The following SIGLEC9 variants were observed in gnomAD, a reference collection of about 807,000 sequenced individuals.
SIGLEC9 encodes the protein sialic acid binding Ig like lectin 9.
SIGLEC9 carries 26 observed loss-of-function variants against 38.3 expected under a neutral mutation model. The ratio of observed to expected loss-of-function variants is 0.68; its 90% CI spans 0.50 to 0.94. SIGLEC9 has a LOEUF of 0.94. SIGLEC9 is among the 40% of genes least tolerant of loss of function. The pLI is 0.00. For synonymous variants in SIGLEC9, 236 were observed against 248.0 expected (o/e 0.95, Z 0.45); for missense variants, 556 against 585.7 (o/e 0.95, Z 0.52).
chr19:51,125,740 G>T lies in SIGLEC9; in HGVS notation c.565G>T (p.Asp189Tyr). 1 of 1,614,000 alleles carries T rather than the reference G, an allele frequency of 6.2e-7. No homozygotes were observed. Among genetic ancestry groups the T allele is most frequent in the East Asian group, 2.2e-5 (1 of 44,862 alleles). ...SWIGTSVSPL[D>Y]PSTTRSSVLT... is the part of the protein sequence containing the mutation. The stretch of plus-strand genomic sequence containing the variant: ...GATAGGGACCTCCGTGTCCCCCCTG[G>T]ACCCCTCCACCACCCGCTCCTCGGT... The change falls in exon 2 of 7, where the codon GAC (aspartate) becomes TAC (tyrosine). Residue 189 changes from aspartate (D) to tyrosine (Y), a missense_variant. By Grantham distance (160) the Asp-to-Tyr change is radical (BLOSUM62 -3). Coordinates refer to ENST00000250360, the MANE Select transcript of SIGLEC9 (RefSeq NM_014441.3).
chr19:51,127,056 T>C lies in SIGLEC9; in HGVS notation c.775T>C (p.Ser259Pro). The C allele has an allele frequency of 1.2e-6, 2 of 1,614,120 alleles. No homozygotes were observed. Among genetic ancestry groups the C allele is most frequent in the African/African-American group, 2.7e-5 (2 of 75,040 alleles). ...ATCCACAGTCTTGGGAAATGGCTCATCTCTGTCACTCCCAGAGGGCCAGTC... is the reference window on the plus strand; with the variant it reads ...ATCCACAGTCTTGGGAAATGGCTCACCTCTGTCACTCCCAGAGGGCCAGTC... ...TVSTVLGNGSSLSLPEGQSLR... is the reference protein window; with the variant it reads ...TVSTVLGNGSPLSLPEGQSLR... The change falls in exon 4 of 7, where the codon TCT (serine) becomes CCT (proline). Residue 259 changes from serine (S) to proline (P), a missense_variant. Coordinates refer to ENST00000250360, the MANE Select transcript of SIGLEC9 (RefSeq NM_014441.3).
At chr19:51,126,937 T>C in intron 3 of SIGLEC9, 93 bp from the exon 4 acceptor site, 1 of 1,128,374 alleles carries the variant, frequency 8.9e-7, no homozygotes, top group South Asian at 1.4e-5. Flanking sequence ...AGTCTATGTC[T>C]GTGTGTCAGT....
chr19:51,123,555 C>G (rs1262441932), upstream of SIGLEC9, among the ~76,000 whole-genome samples: 1 of 152,176 alleles, frequency 6.6e-6, no homozygotes. Context: ...TTCACGGCAA[C>G]GTGCACAGAT....
In SIGLEC9 at chr19:51,135,852, T is replaced by C. The variant is rs894128742; in HGVS notation, c.1204-110T>C. ...TGAGCTCTGAGATTCTTTTCTCAGC[T>C]TAATCTATTCTGATGTTAATACTTC... is the stretch of plus-strand genomic sequence containing the variant. On this transcript the variant is annotated intron_variant, in intron 6 of 6. Coordinates refer to the SIGLEC9 transcript ENST00000440804. The C allele has an allele frequency of 6.6e-6, 4 of 606,170 alleles. No individual in the cohort carries two copies. In the Admixed American group the frequency reaches 1.1e-4, roughly 17 times the overall value. 37.5% of individuals were successfully genotyped at this position (606,170 alleles called of 1,614,324 possible).
At position 51,127,978 on chromosome 19, in the gene SIGLEC9, G is replaced by A. The variant is rs2091989827; in HGVS notation, c.1045G>A (p.Val349Met). The A allele has an allele frequency of 1.2e-6, 2 of 1,613,904 alleles. No homozygotes were observed. Among genetic ancestry groups the A allele is most frequent in the Non-Finnish European group, 1.7e-6 (2 of 1,179,810 alleles). The change falls in exon 5 of 7, where the codon GTG (valine) becomes ATG (methionine). Residue 349 changes from valine to methionine, a missense_variant. Physicochemically the swap from Val to Met is conservative, Grantham distance 21. Coordinates refer to ENST00000250360, the MANE Select transcript of SIGLEC9 (RefSeq NM_014441.3). ...SKATSGVTQG[V>M]VGGAGATALV... The stretch of plus-strand genomic sequence containing the variant: ...AGCCACATCAGGAGTGACTCAGGGG[G>A]TGGTCGGGGGAGCTGGAGCCACAGC...
downstream of SIGLEC9, among the ~76,000 whole-genome samples, chr19:51,134,581 G>T (rs1187004772): frequency 6.6e-6 from 1 of 152,190 alleles, no homozygotes; most frequent in Non-Finnish European, 1.5e-5. Context: ...TCATGAAAGA[G>T]AAATTAAAAA....
At chr19:51,132,925 A>C (rs1386236392), downstream of SIGLEC9, among the ~76,000 whole-genome samples, 1 of 152,070 alleles carries the variant, frequency 6.6e-6, no homozygotes, top group Non-Finnish European at 1.5e-5. Context: ...ATATTGATTT[A>C]GGTAATCCCT....
chr19:51,132,824 T>C (rs965623634), downstream of SIGLEC9, among the ~76,000 whole-genome samples: 3 of 152,134 alleles, frequency 2.0e-5, no homozygotes, highest in Admixed American at 1.3e-4. Context: ...TAGAACATTT[T>C]TGAGAGACTT....
chr19:51,123,218 C>G (rs559250198), upstream of SIGLEC9, among the ~76,000 whole-genome samples: 2 of 152,192 alleles, frequency 1.3e-5, no homozygotes, highest in Non-Finnish European at 2.9e-5. Flanking sequence ...GGTGAGCAGG[C>G]CTGCTCTTTT....
downstream of SIGLEC9, among the ~76,000 whole-genome samples, chr19:51,131,503 G>A (rs966044096): frequency 8.1e-5 from 12 of 148,774 alleles, no homozygotes; most frequent in East Asian, 4.0e-4. Context: ...GGAGAATGGC[G>A]TGAACCCGGG....
chr19:51,132,932 C>T (rs2092024683), downstream of SIGLEC9, among the ~76,000 whole-genome samples: 1 of 151,668 alleles, frequency 6.6e-6, no homozygotes, highest in Non-Finnish European at 1.5e-5. Context: ...TTTAGGTAAT[C>T]CCTGTCAAAA....
At chr19:51,131,501 G>A (rs1455160334), downstream of SIGLEC9, among the ~76,000 whole-genome samples, 2 of 151,818 alleles carry the variant, frequency 1.3e-5, no homozygotes, top group Non-Finnish European at 2.9e-5. Flanking sequence ...CAGGAGAATG[G>A]CGTGAACCCG....
upstream of SIGLEC9, chr19:51,124,786 G>A: frequency 1.4e-6 from 1 of 690,380 alleles, no homozygotes; most frequent in Non-Finnish European, 2.4e-6. Context: ...GGTGGACGGT[G>A]GATCTCCCAG....
chr19:51,128,502 GC>G lies in SIGLEC9; in HGVS notation c.1197del (p.Ser400LeufsTer5). 6.2e-7 allele frequency: 1 copy of G among 1,613,892 alleles called. No homozygotes were observed. Among genetic ancestry groups the G allele is most frequent in the Non-Finnish European group, 8.5e-7 (1 of 1,179,840 alleles). ...GGATGCAAACGCTGTCAGGGGTTCA[GC>G]CTCTCAGGTGAGTGATGTGGACTCT... ...IEDANAVRGS[A>X]SQGPLTEPWA... On this transcript the variant is annotated frameshift_variant, in exon 6 of 7. Transcript: ENST00000250360. LOFTEE classifies it low-confidence loss of function (END_TRUNC).
At chr19:51,123,254 C>G (rs897395948), upstream of SIGLEC9, among the ~76,000 whole-genome samples, 1 of 152,150 alleles carries the variant, frequency 6.6e-6, no homozygotes, top group African/African-American at 2.4e-5. Flanking sequence ...GATTGTTCCC[C>G]GAGTTCCAGG....
At chr19:51,120,036 C>T (rs1389615734), upstream of SIGLEC9, 3 of 179,582 alleles carry the variant, frequency 1.7e-5, no homozygotes, top group Non-Finnish European at 2.3e-5. The surrounding 1 kb of genome is among the most constrained non-coding windows in gnomAD (Gnocchi z 4.1). Context: ...CAGGCATGTG[C>T]TCTGCGCTGT....
chr19:51,127,423 G>A (rs2122845781), intron 4 of SIGLEC9, 127 bp downstream of exon 4: 1 of 1,058,548 alleles, frequency 9.4e-7, no homozygotes, highest in Non-Finnish European at 1.3e-6. Flanking sequence ...GTGAGGTCTG[G>A]AACTTCCCTG....
downstream of SIGLEC9, among the ~76,000 whole-genome samples, chr19:51,133,631 T>C (rs1269191801): frequency 6.6e-6 from 1 of 151,852 alleles, no homozygotes; most frequent in Non-Finnish European, 1.5e-5. Context: ...CAAGTGAAAT[T>C]AGGGTTGGTA....
chr19:51,125,117 A>G lies in SIGLEC9; in HGVS notation c.143A>G (p.His48Arg), dbSNP rs749869743. The G allele has an allele frequency of 1.8e-5, 29 of 1,613,906 alleles. No individual in the cohort carries two copies. The highest frequency in any genetic ancestry group is 1.6e-4 in the Middle Eastern group (1 of 6,084). The change falls in exon 1 of 7, where the codon CAT becomes CGT. Residue 48 changes from histidine (H) to arginine (R), a missense_variant. Physicochemically the swap from His to Arg is conservative, Grantham distance 29. Coordinates refer to ENST00000250360, the MANE Select transcript of SIGLEC9 (RefSeq NM_014441.3). ...CCCTGCTCCTTCTCCTACCCCTCGC[A>G]TGGCTGGATTTACCCTGGCCCAGTA... ...HVPCSFSYPS[H>R]GWIYPGPVVH...
Sources: allele counts gnomAD v4.1 joint callset (sites outside exome capture counted in the v4.1 genomes callset), GRCh38; gene constraint gnomAD v4.1.1; non-coding constraint Gnocchi (gnomAD v3.1); transcripts MANE v1.5; gene names NCBI Gene and HGNC (gene_info 2026-07-23, HGNC 2026-07-21).